The following SYNPO2 variants were observed in gnomAD, a reference collection of about 807,000 sequenced individuals.
The protein encoded by SYNPO2 is synaptopodin 2, also known as synaptopodin-2.
In SYNPO2, 56 loss-of-function variants were observed where a neutral mutation model predicts 85.0. The ratio of observed to expected loss-of-function variants is 0.66; its 90% CI spans 0.53 to 0.82. The LOEUF (loss-of-function observed/expected upper bound fraction) is 0.82. Ranked by LOEUF, SYNPO2 falls within the 40% of genes least tolerant of loss-of-function variation. The pLI is 0.00. For missense variants in SYNPO2, 1,575 were observed against 1,534.2 expected (o/e 1.03, Z -0.44); for synonymous variants, 602 against 591.1 (o/e 1.02, Z -0.27).
At chr4:118,944,805 A>G (rs1734441402) in intron 1 of SYNPO2, among the ~76,000 whole-genome samples, 1 of 152,216 alleles carries the variant, frequency 6.6e-6, no homozygotes, top group African/African-American at 2.4e-5. Flanking sequence ...ATTTTATAGA[A>G]TGCCTGAAAA....
At chr4:118,869,815 T>C (rs951692567) in intron 1 of SYNPO2, among the ~76,000 whole-genome samples, 1 of 152,312 alleles carries the variant, frequency 6.6e-6, no homozygotes, top group East Asian at 1.9e-4. Flanking sequence ...AGAGCTGAAA[T>C]GAAATCTCAG....
At chr4:119,035,873 G>A (rs1476506998) in intron 4 of SYNPO2, 1 of 984,078 alleles carries the variant, frequency 1.0e-6, no homozygotes, top group Non-Finnish European at 1.2e-6. Context: ...ACTAACGTAT[G>A]TGAGACCATT....
At chr4:118,880,040 C>T (rs1732051487) in intron 1 of SYNPO2, among the ~76,000 whole-genome samples, 1 of 152,152 alleles carries the variant, frequency 6.6e-6, no homozygotes, top group African/African-American at 2.4e-5. Context: ...AGACCCCTTG[C>T]ATCATCATTT....
intron 1 of SYNPO2, among the ~76,000 whole-genome samples, chr4:118,962,578 C>A (rs1262290436): frequency 6.6e-6 from 1 of 152,134 alleles, no homozygotes; most frequent in Non-Finnish European, 1.5e-5. Context: ...ATTTTTCTAA[C>A]ATTTTTATTA....
intron 4 of SYNPO2, chr4:119,037,001 A>G (rs983165786): frequency 1.5e-5 from 20 of 1,345,558 alleles, no homozygotes; most frequent in Non-Finnish European, 1.9e-5. Context: ...TAATATAGGT[A>G]ATAATTTTTC....
intron 1 of SYNPO2, among the ~76,000 whole-genome samples, chr4:118,863,116 T>C (rs1731640306): frequency 6.6e-6 from 1 of 152,184 alleles, no homozygotes; most frequent in South Asian, 2.1e-4. Context: ...GACTTTTTCT[T>C]TTCTTTTTTC....
chr4:119,029,818 TA>T, intron 3 of SYNPO2, 26 bp from the exon 4 acceptor site: 1 of 1,365,084 alleles, frequency 7.3e-7, no homozygotes, highest in South Asian at 1.4e-5. Context: ...CAGCTCAATA[TA>T]ATTTTTTTTT....
intron 1 of SYNPO2, among the ~76,000 whole-genome samples, chr4:118,867,546 G>T (rs772037732): frequency 3.3e-5 from 5 of 150,710 alleles, no homozygotes; most frequent in Non-Finnish European, 7.4e-5. Flanking sequence ...TTGTTACAAA[G>T]AGAATAGGAC....
intron 1 of SYNPO2, among the ~76,000 whole-genome samples, chr4:118,934,755 T>C (rs1431457847): frequency 1.3e-5 from 2 of 152,168 alleles, no homozygotes; most frequent in Non-Finnish European, 2.9e-5. Context: ...TTATAAAACA[T>C]TAAGCAAAAA....
intron 1 of SYNPO2, among the ~76,000 whole-genome samples, chr4:118,909,878 A>C (rs1733076502): frequency 6.6e-6 from 1 of 152,188 alleles, no homozygotes; most frequent in African/African-American, 2.4e-5. Context: ...GTTATCTATA[A>C]ACTAAAATAA....
At chr4:118,894,008 A>G in intron 1 of SYNPO2, among the ~76,000 whole-genome samples, 1 of 151,226 alleles carries the variant, frequency 6.6e-6, no homozygotes, top group South Asian at 2.1e-4. Flanking sequence ...TAAAAATAAA[A>G]TAAAACTTAA....
At chr4:119,054,963 T>C (rs1408828761) in intron 4 of SYNPO2, among the ~76,000 whole-genome samples, 1 of 152,198 alleles carries the variant, frequency 6.6e-6, no homozygotes, top group African/African-American at 2.4e-5. Context: ...ACTGTTGTTC[T>C]AATTCTTCCA....
intron 1 of SYNPO2, among the ~76,000 whole-genome samples, chr4:118,856,796 G>A (rs529908444): frequency 6.6e-6 from 1 of 152,204 alleles, no homozygotes; most frequent in South Asian, 2.1e-4. Context: ...ACAGGCGTGA[G>A]CCACACCTGG....
rs1348453993 is a variant in SYNPO2, at chr4:118,931,306, A to C, written c.105+42165A>C. On this transcript the variant is annotated intron_variant, in intron 1 of 4. Coordinates refer to ENST00000307142, the MANE Select transcript of SYNPO2 (RefSeq NM_133477.3). ...AGTAGGAGAGCTGGGATGAGAACCT[A>C]GGTCTCTGACTATTAGTTTGGGTGC... Among the ~76,000 whole-genome samples, 4 of 152,140 alleles carry C rather than the reference A, an allele frequency of 2.6e-5. No individual in the cohort carries two copies. The East Asian group carries it at 7.7e-4, about 29-fold the overall frequency.
chr4:118,990,644 G>A (rs570248466), intron 1 of SYNPO2, among the ~76,000 whole-genome samples: 8 of 151,908 alleles, frequency 5.3e-5, no homozygotes, highest in African/African-American at 1.2e-4. Context: ...AATCTCGCTC[G>A]GTCGCCCAGG....
chr4:118,990,644 G>C (rs570248466), intron 1 of SYNPO2, among the ~76,000 whole-genome samples: 1 of 151,910 alleles, frequency 6.6e-6, no homozygotes, highest in African/African-American at 2.4e-5. Flanking sequence ...AATCTCGCTC[G>C]GTCGCCCAGG....
intron 4 of SYNPO2, chr4:119,036,663 A>AC (rs1738524669): frequency 2.0e-6 from 2 of 985,170 alleles, no homozygotes; most frequent in African/African-American, 3.5e-5. Flanking sequence ...TGCCAATGAA[A>AC]CCCCATCTTC....
At chr4:119,047,501 T>C (rs1201897245) in intron 4 of SYNPO2, among the ~76,000 whole-genome samples, 1 of 152,222 alleles carries the variant, frequency 6.6e-6, no homozygotes, top group African/African-American at 2.4e-5. Context: ...CTCTCTTCCA[T>C]TTTCTAGATA....
At chr4:118,997,618 T>C (rs915473292) in intron 1 of SYNPO2, among the ~76,000 whole-genome samples, 13 of 152,238 alleles carry the variant, frequency 8.5e-5, no homozygotes, top group Admixed American at 2.6e-4. Context: ...GTCTGTGAGT[T>C]GAAAGATTCA....
Sources: allele counts gnomAD v4.1 joint callset (sites outside exome capture counted in the v4.1 genomes callset), GRCh38; gene constraint gnomAD v4.1.1; transcripts MANE v1.5; gene names NCBI Gene and HGNC (gene_info 2026-07-23, HGNC 2026-07-21).